Variants in ABTB2 observed in about 807,000 individuals in gnomAD.
ABTB2 encodes the protein ankyrin repeat and BTB domain containing 2.
A neutral mutation model predicts 104.1 loss-of-function variants in ABTB2; 56 were observed. The observed-to-expected ratio is 0.54, with a 90% CI of 0.43 to 0.67. The LOEUF (loss-of-function observed/expected upper bound fraction) is 0.67. Ranked by LOEUF, ABTB2 falls within the 30% of genes least tolerant of loss-of-function variation. The pLI, the probability that ABTB2 is intolerant of heterozygous loss-of-function variation, is 0.00. For synonymous variants in ABTB2, 606 were observed against 608.2 expected, an observed-to-expected ratio of 1.00 and a Z score of 0.05; for missense variants, 1,279 against 1,407.7, an observed-to-expected ratio of 0.91 and a Z score of 1.46.
At chr11:34,181,238 AAAC>A (rs773596009) in intron 3 of ABTB2, among the ~76,000 whole-genome samples, 46 of 53,588 alleles carry the variant, frequency 8.6e-4, no homozygotes, top group South Asian at 1.9e-3. Flanking sequence ...GCAGCCTGGA[AAAC>A]AAACAAACAA....
rs1382792803 is a variant in ABTB2 at position 34,152,419 on chromosome 11, C to T, written c.3046G>A (p.Val1016Met). 9.5e-6 allele frequency: 15 copies of T among 1,584,624 alleles called. No homozygotes were observed. Among genetic ancestry groups the T allele is most frequent in the South Asian group, 3.5e-5 (3 of 86,878 alleles). Residue 1016 changes from valine to methionine, a missense_variant, in exon 17 of 17, where the codon GTG becomes ATG. Transcript: ENST00000435224. ...CGGGAGGTGATGTAGACAGAGTGCA[C>T]GCGCTCTGCCAGGGTGTTCTGCAGG... ...QDLQNTLAER[V>M]HSVYITSRV
intron 3 of ABTB2, among the ~76,000 whole-genome samples, chr11:34,173,572 A>ATTG (rs1852916966): frequency 6.6e-6 from 1 of 152,142 alleles, no homozygotes; most frequent in African/African-American, 2.4e-5. Context: ...CTTTCTGCTC[A>ATTG]CAGAGACCCC....
chr11:34,301,086 G>A lies in ABTB2; in HGVS notation c.883+55615C>T, dbSNP rs577846866. Among the ~76,000 whole-genome samples the A allele has an allele frequency of 3.8e-4, 58 of 152,270 alleles. 1 individual carries two copies. The highest frequency in any genetic ancestry group is 3.1e-3 in the Admixed American group (47 of 15,302). ...TTTGTGGTCTCATGTCTCTCTGTCC[G>A]ATTGCCAGATATTTCTGTGGCTGGT... On this transcript the variant is annotated intron_variant, in intron 1 of 16. Coordinates refer to ENST00000435224, the MANE Select transcript of ABTB2 (RefSeq NM_145804.3).
At chr11:34,292,885 G>C (rs778720246) in intron 1 of ABTB2, among the ~76,000 whole-genome samples, 4 of 152,148 alleles carry the variant, frequency 2.6e-5, no homozygotes, top group Non-Finnish European at 5.9e-5. Flanking sequence ...GGAAGGTAGG[G>C]GCCAAATCAC....
chr11:34,335,493 C>G (rs1430289762), intron 1 of ABTB2: 2 of 883,424 alleles, frequency 2.3e-6, no homozygotes, highest in African/African-American at 3.3e-5. Flanking sequence ...GATTAATTTG[C>G]TATTAGCTAC....
intron 3 of ABTB2, among the ~76,000 whole-genome samples, chr11:34,195,075 C>CGGGGGGGGGG (rs1461939590): frequency 1.1e-4 from 2 of 18,058 alleles, no homozygotes; most frequent in Non-Finnish European, 2.0e-4. Flanking sequence ...AGATGCCCGG[C>CGGGGGGGGGG]GGGGGGGGGG....
At chr11:34,337,344 T>TGTCTCACAGCTGCCTATTTCCCTA (rs1422032768) in intron 1 of ABTB2, among the ~76,000 whole-genome samples, 11 of 152,210 alleles carry the variant, frequency 7.2e-5, no homozygotes, top group Non-Finnish European at 1.6e-4. Context: ...CACAGCTGAC[T>TGTCTCACAGCTGCCTATTTCCCTA]GGCTGCTGGT....
At chr11:34,164,485 A>T (rs901607959) in intron 9 of ABTB2, among the ~76,000 whole-genome samples, 2 of 152,218 alleles carry the variant, frequency 1.3e-5, no homozygotes, top group East Asian at 1.9e-4. Flanking sequence ...GTCTGCCAGG[A>T]ATCAGCTGTG....
intron 1 of ABTB2, among the ~76,000 whole-genome samples, chr11:34,311,055 C>T (rs1359889048): frequency 6.6e-6 from 1 of 152,228 alleles, no homozygotes; most frequent in Non-Finnish European, 1.5e-5. Context: ...CACAGCCTGA[C>T]CCCTTCCACT....
intron 1 of ABTB2, among the ~76,000 whole-genome samples, chr11:34,257,988 T>C (rs1472478872): frequency 6.6e-6 from 1 of 152,122 alleles, no homozygotes; most frequent in Non-Finnish European, 1.5e-5. Context: ...TCACAGGCCA[T>C]GCTACCCCAG....
chr11:34,228,706 C>G (rs563709220), intron 1 of ABTB2, among the ~76,000 whole-genome samples: 1 of 152,116 alleles, frequency 6.6e-6, no homozygotes, highest in Non-Finnish European at 1.5e-5. Flanking sequence ...AACCACCATG[C>G]TTGTTTTCCA....
Position 34,278,352 on chromosome 11 carries a change from T to C in ABTB2, c.884-73662A>G, listed in dbSNP as rs1023655503. 1.2e-3 allele frequency among the ~76,000 whole-genome samples: 186 copies of C among 152,326 alleles called. 1 individual carries two copies. The highest frequency in any genetic ancestry group is 4.2e-3 in the African/African-American group (176 of 41,578). ...CTGAACAAGGTTAAGTTTGTTTCCT[T>C]ACTGCAGGACTTCTCAGGGCCTTGA... On this transcript the variant is annotated intron_variant, in intron 1 of 16. Transcript: ENST00000435224.
intron 1 of ABTB2, among the ~76,000 whole-genome samples, chr11:34,275,649 C>T (rs777970272): frequency 3.3e-5 from 5 of 152,214 alleles, no homozygotes; most frequent in East Asian, 1.9e-4. Context: ...ATCCCGACTC[C>T]GTGCTTCCCT....
chr11:34,183,169 C>T (rs1019075922), intron 3 of ABTB2, among the ~76,000 whole-genome samples: 3 of 152,114 alleles, frequency 2.0e-5, no homozygotes, highest in African/African-American at 7.2e-5. Flanking sequence ...GGCACAATCA[C>T]ATCTCACTGT....
chr11:34,338,642 G>A (rs916369995), intron 1 of ABTB2, among the ~76,000 whole-genome samples: 1 of 152,052 alleles, frequency 6.6e-6, no homozygotes, highest in Non-Finnish European at 1.5e-5. Flanking sequence ...GGCAAGGCTT[G>A]CAGTGAGCTG....
chr11:34,303,704 G>A (rs10768058), intron 1 of ABTB2, among the ~76,000 whole-genome samples: 25,976 of 141,312 alleles, frequency 0.18, 2,688 homozygotes, highest in East Asian at 0.41. Flanking sequence ...GTGCAGTGGC[G>A]TGATCTCAGC....
At chr11:34,285,647 C>T (rs956663060) in intron 1 of ABTB2, among the ~76,000 whole-genome samples, 22 of 152,294 alleles carry the variant, frequency 1.4e-4, no homozygotes, top group African/African-American at 2.4e-4. Flanking sequence ...AGCCGTCACA[C>T]GTGCACAAAA....
In ABTB2 at chr11:34,356,856, C is replaced by A. The variant is rs746564256; in HGVS notation, c.728G>T (p.Arg243Leu). Residue 243 changes from arginine (R) to leucine (L), a missense_variant, in exon 1 of 17, where the codon CGG becomes CTG. By Grantham distance (102) the Arg-to-Leu change is moderately radical. Coordinates refer to ENST00000435224, the MANE Select transcript of ABTB2 (RefSeq NM_145804.3). The surrounding 1 kb of genome is among the most constrained non-coding windows in gnomAD (Gnocchi z 4.6). ...ACMENLVEEI[R>L]ARVMASHSPD... ...GCTGTGGCTGGCCATCACCCTGGCC[C>A]GGATCTCCTCCACCAGGTTCTCCAT... The A allele has an allele frequency of 2.9e-5, 47 of 1,605,210 alleles. No homozygotes were observed. Among genetic ancestry groups the A allele is most frequent in the Non-Finnish European group, 3.9e-5 (46 of 1,176,160 alleles).
chr11:34,349,647 G>A (rs1244091246), intron 1 of ABTB2, among the ~76,000 whole-genome samples: 4 of 152,218 alleles, frequency 2.6e-5, no homozygotes, highest in Non-Finnish European at 4.4e-5. Context: ...CATCCTATGA[G>A]TTGGGTACTA....
Sources: allele counts gnomAD v4.1 joint callset (sites outside exome capture counted in the v4.1 genomes callset), GRCh38; gene constraint gnomAD v4.1.1; non-coding constraint Gnocchi (gnomAD v3.1); transcripts MANE v1.5; gene names NCBI Gene and HGNC (gene_info 2026-07-23, HGNC 2026-07-21).